Variants in HABP2 observed in about 807,000 individuals in gnomAD.
HABP2 encodes the protein factor VII-activating protease.
Under a neutral mutation model 66.5 loss-of-function variants are expected in HABP2, and 65 were observed. The ratio of observed to expected loss-of-function variants is 0.98; its 90% CI spans 0.80 to 1.20. The LOEUF is 1.20. Among genes scored for constraint, HABP2 ranks in the 50% most tolerant of loss-of-function variants. HABP2 has a pLI of 0.00. For synonymous variants in HABP2, 263 were observed against 253.9 expected (o/e 1.04, Z -0.34); for missense variants, 786 against 691.0 (o/e 1.14, Z -1.54).
intron 8 of HABP2, 138 bp from the exon 9 acceptor site, chr10:113,581,738 C>T (rs1845537753): frequency 3.9e-6 from 3 of 770,260 alleles, no homozygotes; most frequent in South Asian, 3.2e-5. Context: ...TGCATGCCCA[C>T]CCTGTCTGCA....
chr10:113,574,459 G>T, intron 3 of HABP2, 54 bp downstream of exon 3: 1 of 875,332 alleles, frequency 1.1e-6, no homozygotes, highest in Non-Finnish European at 1.9e-6. Context: ...AGAGCGGAGT[G>T]TATGTGGGAC....
At chr10:113,557,753 G>C (rs958075574) in intron 1 of HABP2, among the ~76,000 whole-genome samples, 4 of 152,210 alleles carry the variant, frequency 2.6e-5, no homozygotes, top group Non-Finnish European at 4.4e-5. Flanking sequence ...AGTAGTAAGA[G>C]TAATCGTAAT....
Position 113,559,681 on chromosome 10 carries a change from T to C in HABP2, c.69+6491T>C, listed in dbSNP as rs538567752. Among the ~76,000 whole-genome samples the C allele has an allele frequency of 1.1e-4, 17 of 152,340 alleles. No individual in the cohort carries two copies. In the East Asian group the frequency reaches 2.9e-3, roughly 26 times the overall value. ...TATCAAGTTCCCCAGACAATTCTTA[T>C]GCACATTGAGGTTTAAGAACCAATG... On this transcript the variant is annotated intron_variant, in intron 1 of 12. Coordinates refer to ENST00000351270, the MANE Select transcript of HABP2 (RefSeq NM_004132.5).
intron 12 of HABP2, among the ~76,000 whole-genome samples, chr10:113,587,786 C>T (rs1041019630): frequency 2.0e-5 from 3 of 152,112 alleles, no homozygotes; most frequent in African/African-American, 7.2e-5. Flanking sequence ...CCTAAGGTCA[C>T]ATGCCTGGCA....
chr10:113,566,592 T>C (rs1438353409), intron 1 of HABP2, among the ~76,000 whole-genome samples: 1 of 152,220 alleles, frequency 6.6e-6, no homozygotes, highest in Non-Finnish European at 1.5e-5. Flanking sequence ...GGACAGAGTC[T>C]GATGTGAGAG....
intron 4 of HABP2, among the ~76,000 whole-genome samples, chr10:113,576,720 T>C (rs1258770135): frequency 1.3e-5 from 2 of 152,196 alleles, no homozygotes; most frequent in African/African-American, 4.8e-5. Context: ...CTTATTCTTT[T>C]CATTTTCAAT....
intron 2 of HABP2, among the ~76,000 whole-genome samples, chr10:113,573,053 A>G (rs1845343001): frequency 6.6e-6 from 1 of 152,238 alleles, no homozygotes; most frequent in Admixed American, 6.5e-5. Flanking sequence ...CTGGCTCCGT[A>G]GGAGTGCCTT....
chr10:113,565,273 T>C lies in HABP2; in HGVS notation c.70-2216T>C, dbSNP rs748700520. On this transcript the variant is annotated intron_variant, in intron 1 of 12. Coordinates refer to ENST00000351270, the MANE Select transcript of HABP2 (RefSeq NM_004132.5). ...TTCAAATTTCCCACTTGTTTCAGTA[T>C]CTTAGTCCATTTTGTGTTGCTACAA... Among the ~76,000 whole-genome samples, 11 of 152,364 alleles carry C rather than the reference T, an allele frequency of 7.2e-5. No individual in the cohort carries two copies. In the South Asian group the frequency reaches 1.0e-3, roughly 14 times the overall value.
At position 113,588,719 on chromosome 10, in the gene HABP2, G is replaced by A. The variant is rs1483574659; in HGVS notation, c.*350G>A. 1.8e-5 allele frequency: 10 copies of A among 546,538 alleles called. No homozygotes were observed. Among genetic ancestry groups the A allele is most frequent in the Admixed American group, 3.4e-5 (1 of 29,342 alleles). 33.9% of individuals were successfully genotyped at this position (546,538 alleles called of 1,614,324 possible). Reference sequence around the variant, plus strand: ...AGACTCCAGAATCCCCAGCATCAGCGGGAACCACCATCACATCTTTATTCC... The same window carrying A: ...AGACTCCAGAATCCCCAGCATCAGCAGGAACCACCATCACATCTTTATTCC... On this transcript the variant is annotated 3_prime_UTR_variant, in exon 13 of 13. Transcript: ENST00000351270.
rs773189923 is a variant in HABP2, at chr10:113,582,083, G to A, written c.1046G>A (p.Gly349Glu). The change falls in exon 9 of 13, where the codon GGG becomes GAG. Residue 349 changes from glycine to glutamate, a missense_variant. Coordinates refer to ENST00000351270, the MANE Select transcript of HABP2 (RefSeq NM_004132.5). The stretch of plus-strand genomic sequence containing the variant: ...ATGCCCCAGGGCCACTTCTGTGGTG[G>A]GGCGCTGATCCACCCCTGCTGGGTG... ...ISMPQGHFCG[G>E]ALIHPCWVLT... 4.3e-5 allele frequency: 70 copies of A among 1,612,202 alleles called. 1 individual carries two copies. In the South Asian group the frequency reaches 5.9e-4, roughly 14 times the overall value.
chr10:113,551,232 T>G (rs545840314), upstream of HABP2, among the ~76,000 whole-genome samples: 64 of 152,360 alleles, frequency 4.2e-4, no homozygotes, highest in African/African-American at 1.5e-3. Context: ...ACAGAGTGCC[T>G]GCTCTCCTGA....
intron 7 of HABP2, among the ~76,000 whole-genome samples, chr10:113,580,168 G>T (rs535223815): frequency 6.9e-6 from 1 of 145,348 alleles, no homozygotes. Context: ...CTTCGGGGGC[G>T]GGGGGAGGGG....
chr10:113,572,879 A>T lies in HABP2; in HGVS notation c.107-1410A>T, dbSNP rs116926531. 2.8e-3 allele frequency: 721 copies of T among 260,362 alleles called. 1 individual carries two copies. Among genetic ancestry groups the T allele is most frequent in the Non-Finnish European group, 4.4e-3 (564 of 128,590 alleles). 16.1% of individuals were successfully genotyped at this position (260,362 alleles called of 1,614,324 possible). A position where few individuals can be genotyped will look rare whatever the true frequency, so the allele number is the denominator to read the frequency against. ...AGTTGGCGTATTCAAAAAAGAAATA[A>T]AAAGCTAGTTCCATTTTAATGGGAA... On this transcript the variant is annotated intron_variant, in intron 2 of 12. Coordinates refer to ENST00000351270, the MANE Select transcript of HABP2 (RefSeq NM_004132.5).
intron 1 of HABP2, among the ~76,000 whole-genome samples, chr10:113,566,376 C>T (rs1334831010): frequency 2.6e-5 from 4 of 152,206 alleles, no homozygotes; most frequent in African/African-American, 9.7e-5. Flanking sequence ...TTGCTGACCC[C>T]TGATTAAAGT....
chr10:113,554,273 A>G (rs1427435443), intron 1 of HABP2, among the ~76,000 whole-genome samples: 1 of 152,248 alleles, frequency 6.6e-6, no homozygotes, highest in Non-Finnish European at 1.5e-5. Flanking sequence ...GAAAGTGGGC[A>G]GAGGATAAGA....
At chr10:113,561,306 C>A (rs1845096220) in intron 1 of HABP2, among the ~76,000 whole-genome samples, 2 of 152,274 alleles carry the variant, frequency 1.3e-5, no homozygotes, top group South Asian at 4.1e-4. Flanking sequence ...CAGAGAAGAA[C>A]AACATGAGGG....
chr10:113,585,023 TAATAATG>T (rs1845608177), intron 11 of HABP2, among the ~76,000 whole-genome samples: 1 of 152,250 alleles, frequency 6.6e-6, no homozygotes, highest in South Asian at 2.1e-4. Context: ...ATCCTGTCCT[TAATAATG>T]AATAGCGAGA....
chr10:113,566,985 A>C (rs1845209447), intron 1 of HABP2, among the ~76,000 whole-genome samples: 1 of 152,216 alleles, frequency 6.6e-6, no homozygotes, highest in African/African-American at 2.4e-5. Flanking sequence ...GTCCATCCCC[A>C]ATCCCCAGGA....
chr10:113,578,062 G>A lies in HABP2; in HGVS notation c.485G>A (p.Gly162Glu). The stretch of plus-strand genomic sequence containing the variant: ...TGCAGGCCAAACCCCTGCCAGAATG[G>A]GGCTACCTGCTCCCGGCATAAGCGG... ...PVCRPNPCQN[G>E]ATCSRHKRRS... Residue 162 changes from glycine (G) to glutamate (E), a missense_variant, in exon 6 of 13, where the codon GGG becomes GAG. Transcript: ENST00000351270. 6.2e-7 allele frequency: 1 copy of A among 1,614,124 alleles called. No homozygotes were observed. Among genetic ancestry groups the A allele is most frequent in the Non-Finnish European group, 8.5e-7 (1 of 1,180,000 alleles).
Sources: allele counts gnomAD v4.1 joint callset (sites outside exome capture counted in the v4.1 genomes callset), GRCh38; gene constraint gnomAD v4.1.1; transcripts MANE v1.5; gene names NCBI Gene and HGNC (gene_info 2026-07-23, HGNC 2026-07-21).